The following ACVR1 variants were observed in gnomAD, a reference collection of about 807,000 sequenced individuals.
The protein encoded by ACVR1 is activin A receptor type 1.
Under a neutral mutation model 57.1 loss-of-function variants are expected in ACVR1, and 38 were observed. The observed-to-expected ratio is 0.67, with a 90% CI of 0.51 to 0.87. The LOEUF (loss-of-function observed/expected upper bound fraction) is 0.87, where lower values mean the gene tolerates loss of function less well. ACVR1 is among the 40% of genes least tolerant of loss of function. The probability of loss-of-function intolerance (pLI) is 0.00; values close to 1 mark genes in which losing one functional copy is unlikely to be tolerated. For synonymous variants in ACVR1, 212 were observed against 228.1 expected, an observed-to-expected ratio of 0.93 and a Z score of 0.63; for missense variants, 463 against 638.2, an observed-to-expected ratio of 0.73 and a Z score of 2.96.
intron 1 of ACVR1, among the ~76,000 whole-genome samples, chr2:157,872,325 C>T (rs970274824): frequency 2.4e-4 from 36 of 152,226 alleles, no homozygotes; most frequent in Non-Finnish European, 7.3e-5. Context: ...AACTTAAATA[C>T]TGCTTCCAGC....
chr2:157,747,519 G>A (rs1357870373), intron 9 of ACVR1, among the ~76,000 whole-genome samples: 1 of 151,838 alleles, frequency 6.6e-6, no homozygotes, highest in Non-Finnish European at 1.5e-5. Flanking sequence ...AAAAAAATAC[G>A]AATAAAAAAG....
At chr2:157,844,358 A>C (rs1178829263) in intron 1 of ACVR1, among the ~76,000 whole-genome samples, 1 of 151,948 alleles carries the variant, frequency 6.6e-6, no homozygotes, top group Non-Finnish European at 1.5e-5. Context: ...CCCTGTCCCC[A>C]CTGGGTTTGC....
chr2:157,831,496 C>T (rs1015715816), intron 1 of ACVR1, among the ~76,000 whole-genome samples: 2 of 152,086 alleles, frequency 1.3e-5, no homozygotes, highest in African/African-American at 2.4e-5. Context: ...CAGATCTACC[C>T]GAGAAAAATC....
At chr2:157,757,045 A>ATATATATATATATATATAT (rs1559039330) in intron 9 of ACVR1, among the ~76,000 whole-genome samples, 4 of 98,182 alleles carry the variant, frequency 4.1e-5, no homozygotes, top group South Asian at 2.7e-4. Flanking sequence ...TATATATATA[A>ATATATATATATATATATAT]AATAGAATAC....
chr2:157,799,603 C>G (rs1687251749), intron 2 of ACVR1, 103 bp from the exon 3 acceptor site: 2 of 827,902 alleles, frequency 2.4e-6, no homozygotes, highest in Admixed American at 3.7e-5. Context: ...GCCCTTCTTA[C>G]TAATCACCCT....
At chr2:157,848,992 T>C (rs547902020) in intron 1 of ACVR1, among the ~76,000 whole-genome samples, 1 of 152,308 alleles carries the variant, frequency 6.6e-6, no homozygotes, top group African/African-American at 2.4e-5. Context: ...TAATCTGTCA[T>C]CTAATCTAGT....
rs111369903 is a variant in ACVR1 at position 157,737,479 on chromosome 2, A to G, written c.*52T>C. On this transcript the variant is annotated 3_prime_UTR_variant, in exon 11 of 11. Transcript: ENST00000434821. ...ACCAGTCAGGCCAGCATTAGGTCCC[A>G]GCTGGACAATGACAACAACGTCAAA... 1.2e-6 allele frequency: 2 copies of G among 1,605,486 alleles called. No individual in the cohort carries two copies. Among genetic ancestry groups the G allele is most frequent in the Non-Finnish European group, 1.7e-6 (2 of 1,174,352 alleles).
Position 157,855,469 on chromosome 2 carries a change from A to T in ACVR1, c.-183+20327T>A, listed in dbSNP as rs923811742. Among the ~76,000 whole-genome samples, 3 of 151,766 alleles carry T rather than the reference A, an allele frequency of 2.0e-5. No homozygotes were observed. In the East Asian group the frequency reaches 5.8e-4, roughly 30 times the overall value. Reference sequence around the variant, plus strand: ...CCAAGATCGCGCCACTGTACTCCAGACTGGGCAACAGTCCATGCCAATGTC... The same window carrying T: ...CCAAGATCGCGCCACTGTACTCCAGTCTGGGCAACAGTCCATGCCAATGTC... On this transcript the variant is annotated intron_variant, in intron 1 of 10. Transcript: ENST00000434821.
At chr2:157,844,510 A>C (rs1689070510) in intron 1 of ACVR1, among the ~76,000 whole-genome samples, 1 of 152,164 alleles carries the variant, frequency 6.6e-6, no homozygotes. Context: ...CAAACAAAAA[A>C]AACTTGGGAT....
At chr2:157,758,926 A>C (rs1685535441) in intron 9 of ACVR1, among the ~76,000 whole-genome samples, 1 of 151,998 alleles carries the variant, frequency 6.6e-6, no homozygotes, top group South Asian at 2.1e-4. Flanking sequence ...AGAAGGAAAT[A>C]AAAAAAATTC....
chr2:157,798,825 G>A (rs550559626), intron 3 of ACVR1, among the ~76,000 whole-genome samples: 1 of 152,140 alleles, frequency 6.6e-6, no homozygotes, highest in East Asian at 1.9e-4. Context: ...ACGGCACCCA[G>A]CCTCGCATTT....
chr2:157,761,394 CT>C (rs1416605844), intron 8 of ACVR1, among the ~76,000 whole-genome samples: 1 of 152,132 alleles, frequency 6.6e-6, no homozygotes, highest in Non-Finnish European at 1.5e-5. Flanking sequence ...GGAAAACAGG[CT>C]CACATGTTAA....
rs1689277283 is a variant in ACVR1, at chr2:157,850,942, G to C, written c.-183+24854C>G. 3.9e-5 allele frequency among the ~76,000 whole-genome samples: 6 copies of C among 152,158 alleles called. No homozygotes were observed. In the South Asian group the frequency reaches 1.2e-3, roughly 32 times the overall value. ...ACTGCACTCCAGTCTGGGCAACAGA[G>C]TAAGACTGTGTCTCCAAAAAAAACA... On this transcript the variant is annotated intron_variant, in intron 1 of 10. Transcript: ENST00000434821.
At chr2:157,752,835 C>T (rs1029286405) in intron 9 of ACVR1, among the ~76,000 whole-genome samples, 5 of 152,248 alleles carry the variant, frequency 3.3e-5, no homozygotes, top group South Asian at 2.1e-4. Flanking sequence ...CATATCAAAA[C>T]GGAACCTCTT....
chr2:157,777,895 A>G (rs567505459), intron 5 of ACVR1, among the ~76,000 whole-genome samples: 1 of 152,270 alleles, frequency 6.6e-6, no homozygotes, highest in East Asian at 1.9e-4. Context: ...GTAACTAACT[A>G]CCAACACTAC....
rs1161335923 is a variant in ACVR1, at chr2:157,863,336, C to CTT, written c.-183+12458_-183+12459dup. ...CCTATAGAACAGTTAAATTGTTTCT[C>CTT]TTTTTTTTTTTTTTTTTTTTTTTTT... On this transcript the variant is annotated intron_variant, in intron 1 of 10. Transcript: ENST00000434821. 6.4e-3 allele frequency among the ~76,000 whole-genome samples: 228 copies of CTT among 35,668 alleles called. 30 individuals carry two copies. The highest frequency in any genetic ancestry group is 0.014 in the African/African-American group (134 of 9,784). The allele number at this position is 35,668 out of a possible 152,430, so 23.4% of individuals were successfully genotyped here.
At chr2:157,870,608 CAA>C (rs887911538) in intron 1 of ACVR1, among the ~76,000 whole-genome samples, 4 of 152,100 alleles carry the variant, frequency 2.6e-5, no homozygotes, top group Non-Finnish European at 5.9e-5. Flanking sequence ...AGGAAAAAGT[CAA>C]GAGTAAAGTA....
intron 1 of ACVR1, among the ~76,000 whole-genome samples, chr2:157,836,236 C>A (rs1000318302): frequency 1.3e-5 from 2 of 152,120 alleles, no homozygotes; most frequent in African/African-American, 4.8e-5. Flanking sequence ...TTTGGAAATG[C>A]CTAACATAAA....
intron 9 of ACVR1, among the ~76,000 whole-genome samples, chr2:157,750,621 A>G (rs1685145400): frequency 6.6e-6 from 1 of 152,194 alleles, no homozygotes; most frequent in Non-Finnish European, 1.5e-5. Context: ...ACCAAACCAT[A>G]AAATTGGGAG....
Sources: gnomAD v4.1 joint callset for allele counts (sites outside exome capture counted in the v4.1 genomes callset) on GRCh38, gnomAD v4.1.1 for gene constraint, MANE v1.5 for transcripts, NCBI Gene and HGNC (gene_info 2026-07-23, HGNC 2026-07-21) for gene names.